The following C1QTNF5 variants were observed in gnomAD, a reference collection of about 807,000 sequenced individuals.
C1QTNF5 encodes the protein complement C1q tumor necrosis factor-related protein 5.
C1QTNF5 carries 5 observed loss-of-function variants against 10.9 expected under a neutral mutation model. That is an observed-to-expected ratio of 0.46 (90% CI 0.24 to 0.97). C1QTNF5 has a LOEUF of 0.97. Among genes scored for constraint, C1QTNF5 ranks in the 50% least tolerant of loss-of-function variants. The pLI, the probability that C1QTNF5 is intolerant of heterozygous loss-of-function variation, is 0.19. For synonymous variants in C1QTNF5, 161 were observed against 156.5 expected (o/e 1.03, Z -0.22); for missense variants, 281 against 339.4 (o/e 0.83, Z 1.35).
At chr11:119,343,866 G>A (rs752690524), upstream of C1QTNF5, 8 of 1,613,938 alleles carry the variant, frequency 5.0e-6, no homozygotes, top group East Asian at 2.2e-5. Context: ...ACACCTCCAC[G>A]TAGTCAAACT....
chr11:119,345,138 T>C (rs545366403), upstream of C1QTNF5: 5 of 1,193,206 alleles, frequency 4.2e-6, no homozygotes, highest in African/African-American at 6.1e-5. Context: ...GCTCCTCTGA[T>C]GTCCCAGGGA....
rs1461785004 is a variant in C1QTNF5, at chr11:119,339,777, C to T, written c.286G>A (p.Gly96Arg). 1 of 1,541,466 alleles carries T rather than the reference C, an allele frequency of 6.5e-7. No homozygotes were observed. Among genetic ancestry groups the T allele is most frequent in the South Asian group, 1.2e-5 (1 of 83,994 alleles). ...GATCGCGGAGGCACCGAGCACTCCC[C>T]GGCAGGCCCGGTGGGCCCCGCGGGT... ...AGPAGPTGPA[G>R]ECSVPPRSAF... Residue 96 changes from glycine (G) to arginine (R), a missense_variant, in exon 3 of 3, where the codon GGG (glycine) becomes AGG (arginine). Physicochemically the swap from Gly to Arg is moderately radical, Grantham distance 125 (BLOSUM62 -2). Transcript: ENST00000528368. The surrounding 1 kb of genome is among the most constrained non-coding windows in gnomAD (Gnocchi z 5.4).
chr11:119,344,269 G>T, upstream of C1QTNF5: 1 of 1,553,100 alleles, frequency 6.4e-7, no homozygotes, highest in Non-Finnish European at 8.9e-7. Context: ...GGGATCAGGT[G>T]CTTCCGTGTG....
At position 119,339,218 on chromosome 11, in the gene C1QTNF5, C is replaced by T. The variant is rs2135363583; in HGVS notation, c.*113G>A. On this transcript the variant is annotated 3_prime_UTR_variant, in exon 3 of 3. Coordinates refer to ENST00000528368, the MANE Select transcript of C1QTNF5 (RefSeq NM_001278431.2). The surrounding 1 kb of genome is among the most constrained non-coding windows in gnomAD (Gnocchi z 5.4). ...GCAGGACGGAGAGTGCTCTACCCCA[C>T]CTCCCTAGTCATTCACAATATTCCA... is the stretch of plus-strand genomic sequence containing the variant. 1 of 1,239,782 alleles carries T rather than the reference C, an allele frequency of 8.1e-7. No individual in the cohort carries two copies. Among genetic ancestry groups the T allele is most frequent in the Middle Eastern group, 2.2e-4 (1 of 4,622 alleles). The allele number at this position is 1,239,782 out of a possible 1,614,324, so 76.8% of individuals were successfully genotyped here.
At chr11:119,342,287 T>A (rs1324071918), upstream of C1QTNF5, among the ~76,000 whole-genome samples, 1 of 152,170 alleles carries the variant, frequency 6.6e-6, no homozygotes, top group Non-Finnish European at 1.5e-5. Context: ...CCCTGCTCTG[T>A]GTAAGAGGAT....
upstream of C1QTNF5, chr11:119,344,338 G>T (rs1318966814): frequency 1.2e-6 from 2 of 1,614,054 alleles, no homozygotes; most frequent in Admixed American, 1.7e-5. Context: ...TACTGCTGCA[G>T]GTAGCTGGGA....
At chr11:119,345,924 C>T, upstream of C1QTNF5, 1 of 1,613,718 alleles carries the variant, frequency 6.2e-7, no homozygotes, top group East Asian at 2.2e-5. Context: ...GTGCAGCCTG[C>T]AGCTCTGGAG....
Position 119,338,974 on chromosome 11 carries a change from G to C in C1QTNF5, c.*357C>G. 4.4e-6 allele frequency: 1 copy of C among 224,912 alleles called. No homozygotes were observed. The highest frequency in any genetic ancestry group is 8.8e-6 in the Non-Finnish European group (1 of 114,010). The allele number at this position is 224,912 out of a possible 1,614,324, so 13.9% of individuals were successfully genotyped here. ...CTTAGGTTTATTGAGTGATCTCTGA[G>C]AAAAGGGCCGGCCCCAGGAGCAGGA... On this transcript the variant is annotated 3_prime_UTR_variant, in exon 3 of 3. Coordinates refer to ENST00000528368, the MANE Select transcript of C1QTNF5 (RefSeq NM_001278431.2).
chr11:119,346,389 T>C, the C1QTNF5 span: 1 of 1,611,776 alleles, frequency 6.2e-7, no homozygotes, highest in African/African-American at 1.3e-5. Context: ...AAGGGGGAGA[T>C]ACTTGAGGGC....
At chr11:119,346,626 GA>G in the C1QTNF5 span, 4 of 1,102,506 alleles carry the variant, frequency 3.6e-6, no homozygotes, top group Non-Finnish European at 5.5e-6. Flanking sequence ...CTACCCGAGG[GA>G]AAAGGCTGCC....
At position 119,339,792 on chromosome 11, in the gene C1QTNF5, G is replaced by T; in HGVS notation, c.271C>A (p.Pro91Thr). The T allele has an allele frequency of 6.6e-7, 1 of 1,504,196 alleles. No individual in the cohort carries two copies. Among genetic ancestry groups the T allele is most frequent in the Non-Finnish European group, 8.8e-7 (1 of 1,130,770 alleles). 93.2% of individuals were successfully genotyped at this position (1,504,196 alleles called of 1,614,324 possible). A position where few individuals can be genotyped will look rare whatever the true frequency, so the allele number is the denominator to read the frequency against. Residue 91 changes from proline to threonine, a missense_variant, in exon 3 of 3, where the codon CCC becomes ACC. Transcript: ENST00000528368. This position sits in a 1 kb window ranked among gnomAD's most constrained non-coding sequence, Gnocchi z 5.4. Reference protein sequence around the residue: ...GPRGEAGPAGPTGPAGECSVP... With the variant: ...GPRGEAGPAGTTGPAGECSVP... ...GAGCACTCCCCGGCAGGCCCGGTGG[G>T]CCCCGCGGGTCCCGCCTCTCCTCGC...
upstream of C1QTNF5, chr11:119,342,851 C>A (rs775475230): frequency 1.2e-6 from 2 of 1,613,094 alleles, no homozygotes; most frequent in South Asian, 2.2e-5. Flanking sequence ...CTGCCCCCAC[C>A]CACTTGCCCA....
chr11:119,344,516 T>A, upstream of C1QTNF5: 3 of 1,590,042 alleles, frequency 1.9e-6, no homozygotes, highest in Non-Finnish European at 2.6e-6. Flanking sequence ...GGCCAAAGAA[T>A]GACTGAGCAG....
chr11:119,342,605 G>A (rs1272047137), upstream of C1QTNF5: 1 of 1,613,220 alleles, frequency 6.2e-7, no homozygotes, highest in Non-Finnish European at 8.5e-7. Context: ...CCTGGGGGTG[G>A]GAACAAGGGG....
upstream of C1QTNF5, chr11:119,343,788 A>C: frequency 1.9e-6 from 3 of 1,613,458 alleles, no homozygotes; most frequent in Non-Finnish European, 2.5e-6. Context: ...GGATGGAGTT[A>C]TCCATGGCTC....
upstream of C1QTNF5, chr11:119,342,535 A>G (rs891178548): frequency 8.6e-5 from 138 of 1,601,014 alleles, no homozygotes; most frequent in Non-Finnish European, 1.2e-4. Context: ...GCAGTACGGC[A>G]GTAGGGTTCT....
At position 119,339,176 on chromosome 11, in the gene C1QTNF5, C is replaced by G; in HGVS notation, c.*155G>C. On this transcript the variant is annotated 3_prime_UTR_variant, in exon 3 of 3. Coordinates refer to ENST00000528368, the MANE Select transcript of C1QTNF5 (RefSeq NM_001278431.2). This position sits in a 1 kb window ranked among gnomAD's most constrained non-coding sequence, Gnocchi z 5.4. ...GACCTGATCGCAGACAGCCACTGTT[C>G]CCATTCCTTGCCAGCAGCAGGACGG... is the stretch of plus-strand genomic sequence containing the variant. 2 of 823,156 alleles carry G rather than the reference C, an allele frequency of 2.4e-6. No individual in the cohort carries two copies. The highest frequency in any genetic ancestry group is 3.7e-6 in the Non-Finnish European group (2 of 535,978). The allele number at this position is 823,156 out of a possible 1,614,324, so 51.0% of individuals were successfully genotyped here.
chr11:119,340,108 C>T, intron 2 of C1QTNF5, 76 bp downstream of exon 2: 2 of 1,449,008 alleles, frequency 1.4e-6, no homozygotes, highest in Non-Finnish European at 1.8e-6. Context: ...GACCCGAGTC[C>T]CGGACACCGG....
the C1QTNF5 span, chr11:119,345,979 G>A: frequency 1.2e-6 from 2 of 1,613,362 alleles, no homozygotes; most frequent in African/African-American, 1.3e-5. Context: ...GGTCCTGGGA[G>A]GCTGGGAGAG....
Sources: allele counts gnomAD v4.1 joint callset (sites outside exome capture counted in the v4.1 genomes callset), GRCh38; gene constraint gnomAD v4.1.1; non-coding constraint Gnocchi (gnomAD v3.1); transcripts MANE v1.5; gene names NCBI Gene and HGNC (gene_info 2026-07-23, HGNC 2026-07-21).